Variants in JMJD1C observed in about 807,000 individuals in gnomAD.
JMJD1C encodes jumonji domain containing 1C.
Under a neutral mutation model 245.3 loss-of-function variants are expected in JMJD1C, and 31 were observed. The observed-to-expected ratio is 0.13, with a 90% CI of 0.09 to 0.17. The LOEUF (loss-of-function observed/expected upper bound fraction) is 0.17. JMJD1C is among the 10% of genes least tolerant of loss of function. The probability of loss-of-function intolerance (pLI) is 1.00; values close to 1 mark genes in which losing one functional copy is unlikely to be tolerated. For synonymous variants in JMJD1C, 1,057 were observed against 1,017.4 expected (o/e 1.04, Z -0.74); for missense variants, 2,691 against 3,000.2 (o/e 0.90, Z 2.41).
intron 2 of JMJD1C, among the ~76,000 whole-genome samples, chr10:63,293,695 C>G (rs1023050095): frequency 6.6e-6 from 1 of 152,164 alleles, no homozygotes; most frequent in Non-Finnish European, 1.5e-5. Flanking sequence ...CCCTCCTCAA[C>G]ACAGAGGCAT....
intron 3 of JMJD1C, among the ~76,000 whole-genome samples, chr10:63,243,459 G>T (rs954889860): frequency 3.3e-5 from 5 of 152,090 alleles, no homozygotes; most frequent in African/African-American, 1.2e-4. Context: ...CTGGGAAGCG[G>T]AAGTTGCGCT....
At chr10:63,238,375 G>T (rs1449730944) in intron 3 of JMJD1C, among the ~76,000 whole-genome samples, 1 of 151,616 alleles carries the variant, frequency 6.6e-6, no homozygotes, top group African/African-American at 2.4e-5. Context: ...TTAAAAAAGG[G>T]AAGAGAACAT....
intron 3 of JMJD1C, among the ~76,000 whole-genome samples, chr10:63,229,896 A>G (rs1379121537): frequency 6.6e-6 from 1 of 152,236 alleles, no homozygotes; most frequent in Admixed American, 6.5e-5. Context: ...ATTTCAGTAA[A>G]AGGCTATTTT....
At chr10:63,308,337 T>C (rs1467542046) in intron 2 of JMJD1C, among the ~76,000 whole-genome samples, 2 of 152,148 alleles carry the variant, frequency 1.3e-5, no homozygotes, top group East Asian at 1.9e-4. Context: ...AATTCTAGTA[T>C]ACTGGAGTTT....
intron 1 of JMJD1C, among the ~76,000 whole-genome samples, chr10:63,411,281 A>T (rs1949455300): frequency 6.6e-6 from 1 of 151,118 alleles, no homozygotes; most frequent in South Asian, 2.1e-4. Context: ...AGTAGATACA[A>T]ATGTGTCACT....
intron 3 of JMJD1C, among the ~76,000 whole-genome samples, chr10:63,234,993 A>G (rs908436131): frequency 1.3e-5 from 2 of 152,192 alleles, no homozygotes; most frequent in African/African-American, 4.8e-5. Flanking sequence ...GTATACAGAA[A>G]CATATCACAT....
At position 63,364,156 on chromosome 10, in the gene JMJD1C, C is replaced by T. The variant is rs10995518; in HGVS notation, c.333+16162G>A. Among the ~76,000 whole-genome samples the T allele has an allele frequency of 2.0e-3, 300 of 152,184 alleles. 1 individual carries two copies. Among genetic ancestry groups the T allele is most frequent in the Non-Finnish European group, 3.6e-3 (243 of 68,008 alleles). On this transcript the variant is annotated intron_variant, in intron 2 of 25. Transcript: ENST00000399262. ...CCGGGATTACAGGTGTGAGCCACTGCGCCCAGACTGTCTGGTTAATTTTTA... is the reference window on the plus strand; with the variant it reads ...CCGGGATTACAGGTGTGAGCCACTGTGCCCAGACTGTCTGGTTAATTTTTA...
chr10:63,381,272 G>A (rs1426307243), intron 1 of JMJD1C, among the ~76,000 whole-genome samples: 2 of 152,028 alleles, frequency 1.3e-5, no homozygotes, highest in African/African-American at 4.8e-5. Context: ...TTGGGAGGAG[G>A]AGATGGGAGG....
chr10:63,402,018 C>G (rs1948887618), intron 1 of JMJD1C, among the ~76,000 whole-genome samples: 1 of 151,840 alleles, frequency 6.6e-6, no homozygotes. Flanking sequence ...CCTGTAATGT[C>G]AGCTACTCGG....
intron 2 of JMJD1C, among the ~76,000 whole-genome samples, chr10:63,284,897 A>T (rs1032466469): frequency 1.5e-5 from 2 of 134,536 alleles, no homozygotes. Context: ...ACACACACAC[A>T]CACACACACA....
At chr10:63,463,727 T>C (rs1246554394) in intron 1 of JMJD1C, among the ~76,000 whole-genome samples, 6 of 152,216 alleles carry the variant, frequency 3.9e-5, no homozygotes, top group African/African-American at 1.4e-4. Context: ...TGGTAAAATT[T>C]AGATATGGTG....
chr10:63,315,813 C>G (rs1316721666), intron 2 of JMJD1C, among the ~76,000 whole-genome samples: 1 of 139,640 alleles, frequency 7.2e-6, no homozygotes, highest in Non-Finnish European at 1.5e-5. Context: ...GCACTCCAGC[C>G]TGGGGACAGA....
At chr10:63,226,169 A>G (rs1849254958) in intron 3 of JMJD1C, among the ~76,000 whole-genome samples, 1 of 152,226 alleles carries the variant, frequency 6.6e-6, no homozygotes, top group South Asian at 2.1e-4. Flanking sequence ...ACCTTTCTAT[A>G]AACTTCTAAC....
chr10:63,299,238 G>C (rs939023635), intron 2 of JMJD1C, among the ~76,000 whole-genome samples: 1 of 152,014 alleles, frequency 6.6e-6, no homozygotes, highest in Non-Finnish European at 1.5e-5. Context: ...CTGAAGTGCA[G>C]TGGTGCAATC....
chr10:63,374,762 C>T (rs1946586718), intron 2 of JMJD1C, among the ~76,000 whole-genome samples: 1 of 152,128 alleles, frequency 6.6e-6, no homozygotes, highest in African/African-American at 2.4e-5. Context: ...TCCTAAATTA[C>T]TACTCATGAA....
At chr10:63,298,744 T>C (rs1439129337) in intron 2 of JMJD1C, among the ~76,000 whole-genome samples, 2 of 152,216 alleles carry the variant, frequency 1.3e-5, no homozygotes, top group African/African-American at 2.4e-5. Flanking sequence ...TTCTAATCTT[T>C]TTTTTTAGAC....
chr10:63,438,323 C>G (rs911952002), intron 1 of JMJD1C, among the ~76,000 whole-genome samples: 1 of 152,186 alleles, frequency 6.6e-6, no homozygotes, highest in Non-Finnish European at 1.5e-5. Flanking sequence ...GCAACCCACT[C>G]TTATCAATTC....
intron 13 of JMJD1C, among the ~76,000 whole-genome samples, chr10:63,195,683 G>A (rs1435782642): frequency 6.6e-6 from 1 of 152,130 alleles, no homozygotes; most frequent in Non-Finnish European, 1.5e-5. Context: ...GCTCACGCTT[G>A]TAATCCCAGC....
intron 1 of JMJD1C, among the ~76,000 whole-genome samples, chr10:63,506,352 T>A (rs1954716904): frequency 6.6e-6 from 1 of 152,178 alleles, no homozygotes; most frequent in Non-Finnish European, 1.5e-5. Context: ...TTGTAAAAAA[T>A]ATTAATGTGG....
Sources: gnomAD v4.1 joint callset for allele counts (sites outside exome capture counted in the v4.1 genomes callset) on GRCh38, gnomAD v4.1.1 for gene constraint, MANE v1.5 for transcripts, NCBI Gene and HGNC (gene_info 2026-07-23, HGNC 2026-07-21) for gene names.